The following AMPD1 variants were observed in gnomAD, a reference collection of about 807,000 sequenced individuals.
AMPD1 encodes AMP deaminase 1.
A neutral mutation model predicts 82.9 loss-of-function variants in AMPD1; 74 were observed. The observed-to-expected ratio is 0.89, with a 90% CI of 0.74 to 1.08. The LOEUF (loss-of-function observed/expected upper bound fraction) is 1.08, where lower values mean the gene tolerates loss of function less well. Among genes scored for constraint, AMPD1 ranks in the 50% least tolerant of loss-of-function variants. The pLI is 0.00. For missense variants in AMPD1, 881 were observed against 924.5 expected (o/e 0.95, Z 0.61); for synonymous variants, 333 against 320.5 (o/e 1.04, Z -0.42).
At chr1:114,675,335 T>C (rs550622976) in intron 12 of AMPD1, among the ~76,000 whole-genome samples, 195 bp downstream of exon 12, 7 of 152,180 alleles carry the variant, frequency 4.6e-5, no homozygotes, top group Non-Finnish European at 8.8e-5. Flanking sequence ...TGAAAGTTAT[T>C]GAAAGCATCG....
intron 14 of AMPD1, 59 bp from the exon 15 acceptor site, chr1:114,673,808 G>T: frequency 6.4e-7 from 1 of 1,574,716 alleles, no homozygotes; most frequent in Non-Finnish European, 8.7e-7. Flanking sequence ...TATGCATCCT[G>T]CCTGAAAAAA....
In AMPD1 at chr1:114,677,346, C is replaced by G; in HGVS notation, c.1388+5G>C. 6.2e-7 allele frequency: 1 copy of G among 1,609,704 alleles called. No individual in the cohort carries two copies. Among genetic ancestry groups the G allele is most frequent in the Non-Finnish European group, 8.5e-7 (1 of 1,179,056 alleles). On this transcript the variant is annotated splice_donor_5th_base_variant and intron_variant, in intron 10 of 15. Coordinates refer to ENST00000520113, the MANE Select transcript of AMPD1 (RefSeq NM_000036.3). ...CTCTAGAGTTTCTGATGGGCAGGTACATACTAGATCCTGGGAACCTGGATC... is the reference window on the plus strand; with the variant it reads ...CTCTAGAGTTTCTGATGGGCAGGTAGATACTAGATCCTGGGAACCTGGATC...
chr1:114,676,120 T>A, intron 10 of AMPD1, 117 bp from the exon 11 acceptor site: 1 of 1,211,850 alleles, frequency 8.3e-7, no homozygotes, highest in Non-Finnish European at 1.2e-6. Context: ...GGTATATCTA[T>A]CCTAGGTCCA....
At position 114,673,631 on chromosome 1, in the gene AMPD1, A is replaced by G; in HGVS notation, c.2085+8T>C. The G allele has an allele frequency of 6.2e-7, 1 of 1,605,076 alleles. No homozygotes were observed. Among genetic ancestry groups the G allele is most frequent in the South Asian group, 1.1e-5 (1 of 90,896 alleles). On this transcript the variant is annotated splice_region_variant and intron_variant, in intron 15 of 15. Transcript: ENST00000520113. ...CTCAGAAGGGAAGCCATTTGAAGAC[A>G]GGTCTACCTCATGAGAAATTCCACA...
chr1:114,685,721 G>A (rs1658297123), intron 4 of AMPD1, among the ~76,000 whole-genome samples: 1 of 152,138 alleles, frequency 6.6e-6, no homozygotes, highest in African/African-American at 2.4e-5. Context: ...ATCTCCAAAT[G>A]TTTATGTTAT....
At chr1:114,690,838 T>C (rs1285862832) in intron 2 of AMPD1, among the ~76,000 whole-genome samples, 1 of 151,896 alleles carries the variant, frequency 6.6e-6, no homozygotes, top group Non-Finnish European at 1.5e-5. Flanking sequence ...GAAGGGCAAA[T>C]GGAAACAGGA....
rs1441080124 is a variant in AMPD1, at chr1:114,677,984, C to T, written c.1150G>A (p.Ala384Thr). The T allele has an allele frequency of 1.9e-6, 3 of 1,613,736 alleles. No individual in the cohort carries two copies. The highest frequency in any genetic ancestry group is 3.3e-5 in the Admixed American group (2 of 59,952). Residue 384 changes from alanine to threonine, a missense_variant, in exon 9 of 16, where the codon GCA becomes ACA. Physicochemically the swap from Ala to Thr is moderately conservative, Grantham distance 58. Around this residue, in one of 2 missense-constraint regions of AMPD1, gnomAD observed 783 missense variants for 786.4 expected, o/e 1.00. Coordinates refer to ENST00000520113, the MANE Select transcript of AMPD1 (RefSeq NM_000036.3). ...AAGTAGAGGTCCCGTAGCTCACTTG[C>T]TCCTACAGGATTATATTTGTCATTG... ...KFNDKYNPVGASELRDLYLKT... is the reference protein window; with the variant it reads ...KFNDKYNPVGTSELRDLYLKT...
intron 13 of AMPD1, among the ~76,000 whole-genome samples, chr1:114,674,527 A>G (rs77981973): frequency 0.013 from 1,993 of 152,326 alleles, 23 homozygotes; most frequent in Non-Finnish European, 0.022. Context: ...GCTAGAAGTC[A>G]GGAGATCTGC....
chr1:114,686,992 A>C (rs764838886), intron 3 of AMPD1, 82 bp from the exon 4 acceptor site: 84 of 1,451,520 alleles, frequency 5.8e-5, no homozygotes, highest in Non-Finnish European at 8.1e-5. Flanking sequence ...TCTCTATACA[A>C]TTTTATTCTG....
At chr1:114,680,992 T>A (rs1374870648) in intron 5 of AMPD1, among the ~76,000 whole-genome samples, 1 of 152,038 alleles carries the variant, frequency 6.6e-6, no homozygotes, top group Non-Finnish European at 1.5e-5. Context: ...TAAAATAATA[T>A]GTTGTCTAGT....
chr1:114,688,230 C>T (rs1484283588), intron 3 of AMPD1, among the ~76,000 whole-genome samples: 12 of 152,022 alleles, frequency 7.9e-5, no homozygotes, highest in Non-Finnish European at 1.5e-4. Context: ...CAGGTTCAAG[C>T]GATTCTCCTG....
At chr1:114,677,206 C>G in intron 10 of AMPD1, 145 bp downstream of exon 10, 1 of 1,098,894 alleles carries the variant, frequency 9.1e-7, no homozygotes, top group Non-Finnish European at 1.3e-6. Context: ...GTGGACAAAA[C>G]CAAGCATGCA....
chr1:114,677,379 T>C lies in AMPD1; in HGVS notation c.1360A>G (p.Thr454Ala). ...ATCCTGGGAACCTGGATCATCCATG[T>C]CATGTTGGGGCAGTGGATGCGATTG... is the stretch of plus-strand genomic sequence containing the variant. ...VCNRIHCPNM[T>A]WMIQVPRIYD... Residue 454 changes from threonine (T) to alanine (A), a missense_variant, in exon 10 of 16, where the codon ACA becomes GCA. Around this residue, in one of 2 missense-constraint regions of AMPD1, gnomAD observed 783 missense variants for 786.4 expected, o/e 1.00. Coordinates refer to ENST00000520113, the MANE Select transcript of AMPD1 (RefSeq NM_000036.3). 1 of 1,609,548 alleles carries C rather than the reference T, an allele frequency of 6.2e-7. No homozygotes were observed. The highest frequency in any genetic ancestry group is 8.5e-7 in the Non-Finnish European group (1 of 1,179,064).
intron 4 of AMPD1, among the ~76,000 whole-genome samples, chr1:114,685,275 A>T (rs2268699): frequency 1.3e-5 from 2 of 152,060 alleles, no homozygotes; most frequent in South Asian, 2.1e-4. Context: ...ATAGGCCACT[A>T]GTCTATCAGG....
intron 2 of AMPD1, 123 bp downstream of exon 2, chr1:114,693,313 A>G (rs1658575292): frequency 2.0e-6 from 2 of 988,704 alleles, no homozygotes; most frequent in African/African-American, 3.2e-5. Context: ...ATCTTTGTTG[A>G]CTTTCAAGGC....
chr1:114,680,497 G>A lies in AMPD1; in HGVS notation c.548-19C>T. The A allele has an allele frequency of 2.5e-6, 4 of 1,604,026 alleles. No individual in the cohort carries two copies. The highest frequency in any genetic ancestry group is 3.4e-6 in the Non-Finnish European group (4 of 1,170,924). On this transcript the variant is annotated intron_variant, in intron 5 of 15. Transcript: ENST00000520113. ...GTAAAGACTTTTTCAATCAAACACA[G>A]AGTAATATATTAGCACATAGGATGA...
At chr1:114,675,812 G>C (rs1657965094) in intron 11 of AMPD1, 65 bp downstream of exon 11, 3 of 1,613,286 alleles carry the variant, frequency 1.9e-6, no homozygotes, top group South Asian at 2.2e-5. Context: ...CCAAGAATTA[G>C]TCATGACCAG....
intron 5 of AMPD1, among the ~76,000 whole-genome samples, chr1:114,680,723 T>A (rs1011782531): frequency 6.6e-6 from 1 of 152,200 alleles, no homozygotes; most frequent in Admixed American, 6.5e-5. Flanking sequence ...TCCCAGCACT[T>A]TGGGAGGCCA....
chr1:114,679,127 A>G lies in AMPD1; in HGVS notation c.897+452T>C, dbSNP rs141334239. 5.5e-4 allele frequency among the ~76,000 whole-genome samples: 83 copies of G among 152,290 alleles called. No homozygotes were observed. The East Asian group carries it at 0.013, about 23-fold the overall frequency. On this transcript the variant is annotated intron_variant, in intron 7 of 15. Coordinates refer to ENST00000520113, the MANE Select transcript of AMPD1 (RefSeq NM_000036.3). ...TAGTTTATTGGATTTCACAATCTCTAGGCTAGCTCATTTGATATTCACAAT... is the reference window on the plus strand; with the variant it reads ...TAGTTTATTGGATTTCACAATCTCTGGGCTAGCTCATTTGATATTCACAAT...
Sources: allele counts gnomAD v4.1 joint callset (sites outside exome capture counted in the v4.1 genomes callset), GRCh38; gene constraint gnomAD v4.1.1; regional missense constraint gnomAD v4.1.1; transcripts MANE v1.5; gene names NCBI Gene and HGNC (gene_info 2026-07-23, HGNC 2026-07-21).